Variants in CNTN4 observed in about 807,000 individuals in gnomAD.
CNTN4 encodes the protein contactin 4, also known as contactin-4.
A neutral mutation model predicts 122.5 loss-of-function variants in CNTN4; 77 were observed. That is an observed-to-expected ratio of 0.63 (90% CI 0.52 to 0.76). The LOEUF (loss-of-function observed/expected upper bound fraction) is 0.76, where lower values mean the gene tolerates loss of function less well. Among genes scored for constraint, CNTN4 ranks in the 30% least tolerant of loss-of-function variants. The probability of loss-of-function intolerance (pLI) is 0.00; values close to 1 mark genes in which losing one functional copy is unlikely to be tolerated. For missense variants in CNTN4, 1,256 were observed against 1,259.1 expected, an observed-to-expected ratio of 1.00 and a Z score of 0.04; for synonymous variants, 512 against 447.0, an observed-to-expected ratio of 1.15 and a Z score of -1.83.
chr3:2,531,438 G>T (rs2077590711), intron 3 of CNTN4, among the ~76,000 whole-genome samples: 1 of 152,176 alleles, frequency 6.6e-6, no homozygotes, highest in African/African-American at 2.4e-5. Flanking sequence ...CATCTCCATT[G>T]TCTCTCTATG....
At chr3:2,998,427 G>A (rs534705753) in intron 14 of CNTN4, among the ~76,000 whole-genome samples, 3 of 152,254 alleles carry the variant, frequency 2.0e-5, no homozygotes, top group African/African-American at 7.2e-5. Flanking sequence ...CTCCAGGGAT[G>A]AGACCCAGGA....
At chr3:2,474,418 T>G (rs961437327) in intron 3 of CNTN4, among the ~76,000 whole-genome samples, 3 of 152,224 alleles carry the variant, frequency 2.0e-5, no homozygotes, top group Non-Finnish European at 4.4e-5. Flanking sequence ...AATTAATGCA[T>G]TTATAATTTA....
At chr3:2,226,555 C>T (rs1575121852) in intron 2 of CNTN4, among the ~76,000 whole-genome samples, 1 of 152,084 alleles carries the variant, frequency 6.6e-6, no homozygotes, top group East Asian at 1.9e-4. Flanking sequence ...CCCTATTGCC[C>T]TGTAATTTCA....
At chr3:2,869,049 T>C (rs1559600395) in intron 8 of CNTN4, among the ~76,000 whole-genome samples, 1 of 152,120 alleles carries the variant, frequency 6.6e-6, no homozygotes, top group African/African-American at 2.4e-5. Flanking sequence ...GAAGAACAGT[T>C]GAGCGTGGTT....
intron 6 of CNTN4, among the ~76,000 whole-genome samples, chr3:2,805,316 A>G (rs543799660): frequency 2.0e-5 from 3 of 152,298 alleles, no homozygotes; most frequent in Non-Finnish European, 4.4e-5. Context: ...TAGAAGAGCA[A>G]TTGGAGTTGT....
chr3:2,295,410 G>A (rs1011229260), intron 2 of CNTN4, among the ~76,000 whole-genome samples: 2 of 135,028 alleles, frequency 1.5e-5, no homozygotes, highest in Non-Finnish European at 3.2e-5. Flanking sequence ...GTTTTGATTT[G>A]CATTTCTCTG....
At chr3:2,348,199 C>T (rs62244017) in intron 3 of CNTN4, among the ~76,000 whole-genome samples, 1 of 152,064 alleles carries the variant, frequency 6.6e-6, no homozygotes, top group Non-Finnish European at 1.5e-5. Context: ...TTGTTAACTT[C>T]TTGCATTTTA....
At chr3:2,176,574 G>T (rs2149264576) in intron 2 of CNTN4, among the ~76,000 whole-genome samples, 1 of 152,236 alleles carries the variant, frequency 6.6e-6, no homozygotes, top group South Asian at 2.1e-4. Context: ...CTAGTGGTAT[G>T]CACATATGGC....
At chr3:2,515,514 A>G (rs568665645) in intron 3 of CNTN4, among the ~76,000 whole-genome samples, 1 of 152,294 alleles carries the variant, frequency 6.6e-6, no homozygotes, top group Admixed American at 6.5e-5. Context: ...GGCATACATC[A>G]TTTTATTAAC....
At chr3:2,622,667 A>C (rs1169985974) in intron 4 of CNTN4, among the ~76,000 whole-genome samples, 2 of 152,220 alleles carry the variant, frequency 1.3e-5, no homozygotes, top group Admixed American at 1.3e-4. Flanking sequence ...TGTTCATTGA[A>C]TGTTTTAATG....
At chr3:3,019,767 TATATA>T (rs1332915765) in intron 14 of CNTN4, among the ~76,000 whole-genome samples, 1 of 2,772 alleles carries the variant, frequency 3.6e-4, no homozygotes, top group Non-Finnish European at 1.4e-3. Flanking sequence ...TGTACACAAA[TATATA>T]TATATATATA....
intron 2 of CNTN4, among the ~76,000 whole-genome samples, chr3:2,245,984 G>A (rs1559375677): frequency 1.3e-5 from 2 of 151,790 alleles, no homozygotes; most frequent in Non-Finnish European, 2.9e-5. Context: ...GCACACATGC[G>A]TGCTCTACCT....
intron 4 of CNTN4, among the ~76,000 whole-genome samples, chr3:2,670,481 G>A (rs1029376288): frequency 1.3e-5 from 2 of 151,998 alleles, no homozygotes; most frequent in African/African-American, 4.8e-5. Context: ...TTGAGCCTAT[G>A]TGTGTCTCTG....
chr3:2,141,447 G>T (rs9833240), intron 2 of CNTN4, among the ~76,000 whole-genome samples: 15,536 of 152,088 alleles, frequency 0.1, 1,932 homozygotes, highest in African/African-American at 0.3. Context: ...CAGACTCTCT[G>T]ATAGACCCTC....
chr3:2,199,788 G>A (rs912651203), intron 2 of CNTN4, among the ~76,000 whole-genome samples: 1 of 152,152 alleles, frequency 6.6e-6, no homozygotes, highest in African/African-American at 2.4e-5. Context: ...AACAGGAAAT[G>A]TGTAAGTTGT....
chr3:2,739,737 A>C (rs1211320825), intron 5 of CNTN4, among the ~76,000 whole-genome samples: 1 of 152,256 alleles, frequency 6.6e-6, no homozygotes, highest in Non-Finnish European at 1.5e-5. Flanking sequence ...GGAAGCCTTC[A>C]TAAGAAAATG....
At chr3:2,641,518 A>G (rs1313050943) in intron 4 of CNTN4, among the ~76,000 whole-genome samples, 2 of 152,186 alleles carry the variant, frequency 1.3e-5, no homozygotes, top group East Asian at 3.9e-4. Context: ...GGAGAATGAC[A>G]AGTTCATCAA....
intron 2 of CNTN4, among the ~76,000 whole-genome samples, chr3:2,122,639 A>G (rs2033876230): frequency 6.6e-6 from 1 of 152,202 alleles, no homozygotes; most frequent in Admixed American, 6.5e-5. Context: ...TTTTTGGTCA[A>G]AAATACTGTA....
chr3:2,939,282 G>C (rs762138164), intron 13 of CNTN4, among the ~76,000 whole-genome samples: 8 of 152,078 alleles, frequency 5.3e-5, no homozygotes, highest in Non-Finnish European at 1.0e-4. Flanking sequence ...GGCACCTAGA[G>C]GGTACATATA....
Sources: gnomAD v4.1 joint callset for allele counts (sites outside exome capture counted in the v4.1 genomes callset) on GRCh38, gnomAD v4.1.1 for gene constraint, MANE v1.5 for transcripts, NCBI Gene and HGNC (gene_info 2026-07-23, HGNC 2026-07-21) for gene names.